The following KCNH1 variants were observed in gnomAD, a reference collection of about 807,000 sequenced individuals.
KCNH1 encodes the protein potassium voltage-gated channel subfamily H member 1, also known as voltage-gated delayed rectifier potassium channel KCNH1.
In KCNH1, 27 loss-of-function variants were observed where a neutral mutation model predicts 69.2. The ratio of observed to expected loss-of-function variants is 0.39; its 90% CI spans 0.29 to 0.54. The LOEUF is 0.54. Among genes scored for constraint, KCNH1 ranks in the 20% least tolerant of loss-of-function variants. The probability of loss-of-function intolerance (pLI) is 0.68; values close to 1 mark genes in which losing one functional copy is unlikely to be tolerated. For missense variants in KCNH1, 798 were observed against 1,261.6 expected (o/e 0.63, Z 5.57); for synonymous variants, 456 against 487.7 (o/e 0.93, Z 0.86).
chr1:210,910,726 C>T (rs991108331), intron 7 of KCNH1, among the ~76,000 whole-genome samples: 2 of 152,222 alleles, frequency 1.3e-5, no homozygotes, highest in East Asian at 1.9e-4. Context: ...ATAATAACAC[C>T]TGTGACATAA....
intron 10 of KCNH1, among the ~76,000 whole-genome samples, chr1:210,753,515 T>TTAAG (rs1443818010): frequency 6.6e-6 from 1 of 152,212 alleles, no homozygotes; most frequent in Non-Finnish European, 1.5e-5. Context: ...TCCTGGACAC[T>TTAAG]TGTTCCTGGG....
chr1:211,100,767 C>T (rs556944908), intron 3 of KCNH1, among the ~76,000 whole-genome samples: 82 of 152,200 alleles, frequency 5.4e-4, no homozygotes, highest in Non-Finnish European at 8.5e-4. Context: ...CCTGTTGGCA[C>T]GGAAGTCAGT....
At chr1:210,817,390 A>G (rs1684839497) in intron 7 of KCNH1, among the ~76,000 whole-genome samples, 1 of 152,212 alleles carries the variant, frequency 6.6e-6, no homozygotes, top group Non-Finnish European at 1.5e-5. Flanking sequence ...ATGCTTATAT[A>G]GCTCTTATCA....
intron 10 of KCNH1, among the ~76,000 whole-genome samples, chr1:210,712,734 C>T (rs1395442328): frequency 6.6e-6 from 1 of 152,122 alleles, no homozygotes; most frequent in East Asian, 1.9e-4. Context: ...ACATTCACTC[C>T]TAATGCCTGT....
chr1:211,085,013 G>A (rs1409568421), intron 4 of KCNH1, among the ~76,000 whole-genome samples: 1 of 152,174 alleles, frequency 6.6e-6, no homozygotes, highest in East Asian at 1.9e-4. Context: ...GAATGCTGTG[G>A]CCAAGACTGT....
Position 210,713,689 on chromosome 1 carries a change from C to T in KCNH1, c.2113-29551G>A, listed in dbSNP as rs1420229573. 2.0e-5 allele frequency among the ~76,000 whole-genome samples: 3 copies of T among 152,172 alleles called. No homozygotes were observed. In the East Asian group the frequency reaches 5.8e-4, roughly 29 times the overall value. On this transcript the variant is annotated intron_variant, in intron 10 of 10. Transcript: ENST00000271751. ...CCTCAACCTGCAATTCATGATCCTTCATTTTCAGCCCCAATAAGTCCTTAC... is the reference window on the plus strand; with the variant it reads ...CCTCAACCTGCAATTCATGATCCTTTATTTTCAGCCCCAATAAGTCCTTAC...
intron 3 of KCNH1, among the ~76,000 whole-genome samples, chr1:211,091,586 G>A (rs966857199): frequency 6.6e-6 from 1 of 152,170 alleles, no homozygotes; most frequent in African/African-American, 2.4e-5. Context: ...CCCATACAAA[G>A]CTCTCCAGAA....
intron 1 of KCNH1, among the ~76,000 whole-genome samples, chr1:211,109,459 T>C (rs552787828): frequency 6.6e-6 from 1 of 152,194 alleles, no homozygotes; most frequent in Non-Finnish European, 1.5e-5. Flanking sequence ...TAGTACAGTA[T>C]TTACTAAATT....
chr1:210,961,590 C>A (rs1688294147), intron 6 of KCNH1, among the ~76,000 whole-genome samples: 1 of 152,134 alleles, frequency 6.6e-6, no homozygotes, highest in African/African-American at 2.4e-5. Context: ...CCTGTAATCC[C>A]AGCACTTTGG....
Position 210,679,630 on chromosome 1 carries a change from G to T in KCNH1, c.*3651C>A, listed in dbSNP as rs1440409643. On this transcript the variant is annotated 3_prime_UTR_variant, in exon 11 of 11. Coordinates refer to ENST00000271751, the MANE Select transcript of KCNH1 (RefSeq NM_172362.3). ...ATAATACTTCTACCTTCCATTTAAG[G>T]ATTTGGAGAGGAAGCTTGCTGAATG... 6 of 152,176 alleles carry T rather than the reference G, an allele frequency of 3.9e-5. No individual in the cohort carries two copies. The highest frequency in any genetic ancestry group is 8.8e-5 in the Non-Finnish European group (6 of 68,052). The allele number at this position is 152,176 out of a possible 1,614,324, so 9.4% of individuals were successfully genotyped here. A position where few individuals can be genotyped will look rare whatever the true frequency, so the allele number is the denominator to read the frequency against.
At chr1:210,921,034 C>A (rs1003300551) in intron 6 of KCNH1, among the ~76,000 whole-genome samples, 1 of 152,152 alleles carries the variant, frequency 6.6e-6, no homozygotes, top group Non-Finnish European at 1.5e-5. Flanking sequence ...GGGTCTGAGA[C>A]AAACATAAAC....
chr1:211,005,158 T>C (rs1689256659), intron 6 of KCNH1, among the ~76,000 whole-genome samples: 1 of 152,078 alleles, frequency 6.6e-6, no homozygotes, highest in Admixed American at 6.5e-5. Context: ...CAATTGTATA[T>C]CAGTAACTCT....
intron 7 of KCNH1, among the ~76,000 whole-genome samples, chr1:210,917,268 A>G (rs902580991): frequency 6.7e-6 from 1 of 150,050 alleles, no homozygotes; most frequent in African/African-American, 2.5e-5. Flanking sequence ...AGAAAGAAAG[A>G]AAGAAAGAAA....
chr1:210,846,315 C>T (rs1193268413), intron 7 of KCNH1, among the ~76,000 whole-genome samples: 1 of 152,160 alleles, frequency 6.6e-6, no homozygotes, highest in Non-Finnish European at 1.5e-5. Flanking sequence ...CATCACGCTG[C>T]CTGACTTCAA....
chr1:210,682,328 G>A lies in KCNH1; in HGVS notation c.*953C>T, dbSNP rs1038232750. On this transcript the variant is annotated 3_prime_UTR_variant, in exon 11 of 11. Transcript: ENST00000271751. ...ACATAGCACTTGCTACAGTTCTGAG[G>A]TTGTGTGTGTCTGTGTGTCTGCTTT... 2.0e-5 allele frequency: 3 copies of A among 152,216 alleles called. No homozygotes were observed. The highest frequency in any genetic ancestry group is 7.2e-5 in the African/African-American group (3 of 41,432). 9.4% of individuals were successfully genotyped at this position (152,216 alleles called of 1,614,324 possible). A position where few individuals can be genotyped will look rare whatever the true frequency, so the allele number is the denominator to read the frequency against.
chr1:210,862,150 G>A (rs1391373794), intron 7 of KCNH1: 28 of 1,341,550 alleles, frequency 2.1e-5, no homozygotes, highest in South Asian at 8.2e-5. Context: ...CAGCTGTTCC[G>A]ACATAGTAAT....
chr1:211,040,495 TA>T (rs774707814), intron 5 of KCNH1, among the ~76,000 whole-genome samples: 1 of 152,182 alleles, frequency 6.6e-6, no homozygotes, highest in Non-Finnish European at 1.5e-5. Flanking sequence ...GCTGCCACCA[TA>T]GTAAGAAGTG....
At chr1:210,788,778 G>T (rs1427220568) in intron 9 of KCNH1, among the ~76,000 whole-genome samples, 1 of 128,036 alleles carries the variant, frequency 7.8e-6, no homozygotes, top group Non-Finnish European at 1.6e-5. Flanking sequence ...CTCACTGCAA[G>T]CTCCGCCTCC....
intron 7 of KCNH1, among the ~76,000 whole-genome samples, chr1:210,816,870 TA>T (rs1244007063): frequency 6.6e-6 from 1 of 152,170 alleles, no homozygotes; most frequent in Non-Finnish European, 1.5e-5. Flanking sequence ...AAAACAAAAA[TA>T]GAAGTGAAAA....
Sources: allele counts gnomAD v4.1 joint callset (sites outside exome capture counted in the v4.1 genomes callset), GRCh38; gene constraint gnomAD v4.1.1; transcripts MANE v1.5; gene names NCBI Gene and HGNC (gene_info 2026-07-23, HGNC 2026-07-21).